Variants in KNTC1 observed in about 807,000 individuals in gnomAD.
The protein encoded by KNTC1 is kinetochore-associated protein 1.
KNTC1 carries 253 observed loss-of-function variants against 314.4 expected under a neutral mutation model. The ratio of observed to expected loss-of-function variants is 0.80; its 90% CI spans 0.73 to 0.89. KNTC1 has a LOEUF of 0.89. KNTC1 is among the 40% of genes least tolerant of loss of function. The pLI is 0.00. For synonymous variants in KNTC1, 901 were observed against 901.4 expected, an observed-to-expected ratio of 1.00 and a Z score of 0.01; for missense variants, 2,475 against 2,572.9, an observed-to-expected ratio of 0.96 and a Z score of 0.82.
chr12:122,585,608 T>C, intron 36 of KNTC1, 28 bp from the exon 37 acceptor site: 2 of 1,612,392 alleles, frequency 1.2e-6, no homozygotes, highest in Non-Finnish European at 1.7e-6. Flanking sequence ...TACTGAGTTC[T>C]CTCTTTTTTG....
At chr12:122,552,622 C>A (rs1237531475) in intron 16 of KNTC1, among the ~76,000 whole-genome samples, 1 of 152,086 alleles carries the variant, frequency 6.6e-6, no homozygotes, top group Non-Finnish European at 1.5e-5. Flanking sequence ...CCTTGGCCTC[C>A]CAAAGTTTTG....
At chr12:122,622,270 T>C (rs1007137821) in intron 61 of KNTC1, among the ~76,000 whole-genome samples, 192 bp from the exon 62 acceptor site, 1 of 152,200 alleles carries the variant, frequency 6.6e-6, no homozygotes, top group Non-Finnish European at 1.5e-5. Context: ...TATTGACTGA[T>C]GCTGACAGGC....
intron 7 of KNTC1, among the ~76,000 whole-genome samples, chr12:122,543,913 G>A (rs1262369841): frequency 6.6e-6 from 1 of 152,112 alleles, no homozygotes; most frequent in Non-Finnish European, 1.5e-5. Context: ...GCCGGGGGGT[G>A]GTGGCGCATG....
intron 44 of KNTC1, among the ~76,000 whole-genome samples, chr12:122,601,070 C>CT (rs1346329298): frequency 1.3e-5 from 2 of 151,936 alleles, no homozygotes; most frequent in Non-Finnish European, 2.9e-5. Flanking sequence ...AATTGTAGCT[C>CT]TTTATTTTTT....
intron 1 of KNTC1, chr12:122,527,648 T>C (rs1483470521): frequency 6.6e-6 from 1 of 152,234 alleles, no homozygotes; most frequent in Non-Finnish European, 1.5e-5. Context: ...TTCTACCCCT[T>C]GTACTGAGAA....
chr12:122,546,711 A>G (rs2137744194), intron 10 of KNTC1, 37 bp downstream of exon 10: 1 of 1,348,474 alleles, frequency 7.4e-7, no homozygotes, highest in Non-Finnish European at 1.0e-6. Context: ...TTTTTACTTG[A>G]TATGTTTTAC....
At chr12:122,587,007 G>A (rs549516334) in intron 38 of KNTC1, among the ~76,000 whole-genome samples, 3 of 151,946 alleles carry the variant, frequency 2.0e-5, no homozygotes, top group South Asian at 4.2e-4. Flanking sequence ...AGTAGAGACA[G>A]GATTTCACCA....
intron 3 of KNTC1, 35 bp from the exon 4 acceptor site, chr12:122,538,304 G>T: frequency 8.3e-7 from 1 of 1,208,390 alleles, no homozygotes; most frequent in Non-Finnish European, 1.2e-6. Context: ...AAAGATTTTC[G>T]AAGGAAGCTT....
chr12:122,554,072 A>ATATATAT (rs1214945831), intron 16 of KNTC1, among the ~76,000 whole-genome samples: 27 of 63,998 alleles, frequency 4.2e-4, no homozygotes, highest in African/African-American at 1.2e-3. Flanking sequence ...CTTAAAAAAA[A>ATATATAT]AAAAATATAT....
At chr12:122,607,621 T>G (rs551329877) in intron 51 of KNTC1, among the ~76,000 whole-genome samples, 1 of 152,316 alleles carries the variant, frequency 6.6e-6, no homozygotes, top group East Asian at 1.9e-4. Flanking sequence ...TTTAGGTAAC[T>G]TGGTTACGGT....
Position 122,584,311 on chromosome 12 carries a change from T to G in KNTC1, c.3297T>G (p.Thr1099=). The change falls in exon 35 of 64, where the codon ACT becomes ACG. Residue 1099 remains threonine, a synonymous_variant. Transcript: ENST00000333479. The part of the protein sequence containing the change: ...DLFKYHCNAD[T]GKLLFLTCQK... ...TTAAGTATCACTGCAATGCTGACAC[T>G]GGGAAATTGCTATTTCTGACATGTC... 6.2e-7 allele frequency: 1 copy of G among 1,613,532 alleles called. No homozygotes were observed. Among genetic ancestry groups the G allele is most frequent in the Non-Finnish European group, 8.5e-7 (1 of 1,179,564 alleles).
chr12:122,538,565 T>G (rs1962035619), intron 4 of KNTC1, 111 bp downstream of exon 4: 2 of 628,704 alleles, frequency 3.2e-6, no homozygotes. Flanking sequence ...TAAAGCAATG[T>G]TTTTTTGAAC....
rs758235054 is a variant in KNTC1, at chr12:122,541,287, G to GCCTGCCTGCCTGCCTGCCTT, written c.446-760_446-759insGCCTGCCTGCCTGCCTTCCT. Among the ~76,000 whole-genome samples, 334 of 120,954 alleles carry GCCTGCCTGCCTGCCTGCCTT rather than the reference G, an allele frequency of 2.8e-3. 5 individuals carry two copies. Among genetic ancestry groups the GCCTGCCTGCCTGCCTGCCTT allele is most frequent in the African/African-American group, 0.012 (321 of 27,702 alleles). 79.4% of individuals were successfully genotyped at this position (120,954 alleles called of 152,430 possible). A position where few individuals can be genotyped will look rare whatever the true frequency, so the allele number is the denominator to read the frequency against. ...TGCCTGCCTGCCTGCCTGCCTGCCTGCCTTCCTTCCTTCCTTCCTTCCTTC... is the reference window on the plus strand; with the variant it reads ...TGCCTGCCTGCCTGCCTGCCTGCCTGCCTGCCTGCCTGCCTGCCTTCCTTCCTTCCTTCCTTCCTTCCTTC... On this transcript the variant is annotated intron_variant, in intron 5 of 63. Coordinates refer to ENST00000333479, the MANE Select transcript of KNTC1 (RefSeq NM_014708.6).
At chr12:122,559,048 A>C (rs1448637941) in intron 18 of KNTC1, among the ~76,000 whole-genome samples, 1 of 152,092 alleles carries the variant, frequency 6.6e-6, no homozygotes, top group Non-Finnish European at 1.5e-5. Flanking sequence ...TTCACTTAGC[A>C]TAATATTTTC....
At chr12:122,561,745 C>T (rs1186077544) in intron 18 of KNTC1, among the ~76,000 whole-genome samples, 176 bp from the exon 19 acceptor site, 1 of 152,068 alleles carries the variant, frequency 6.6e-6, no homozygotes, top group Non-Finnish European at 1.5e-5. Context: ...TGAGCCACTG[C>T]CCCCAGGCAA....
chr12:122,605,182 CATATGCTTAT>C (rs1872446000), intron 50 of KNTC1, 95 bp downstream of exon 50: 1 of 1,144,204 alleles, frequency 8.7e-7, no homozygotes, highest in South Asian at 1.4e-5. Flanking sequence ...ATATTACTTA[CATATGCTTAT>C]ATATGTATAT....
chr12:122,623,772 A>G (rs1874693903), intron 62 of KNTC1, among the ~76,000 whole-genome samples: 1 of 152,158 alleles, frequency 6.6e-6, no homozygotes, highest in Non-Finnish European at 1.5e-5. Context: ...CATTGCTCCA[A>G]AAACATAATT....
At position 122,534,706 on chromosome 12, in the gene KNTC1, G is replaced by A; in HGVS notation, c.172G>A (p.Gly58Arg). ...GATACAGGCATGCAGCTTAAGTGATGGGTTTATTATTGTAGCCGACCAATC... is the reference window on the plus strand; with the variant it reads ...GATACAGGCATGCAGCTTAAGTGATAGGTTTATTATTGTAGCCGACCAATC... ...PKIQACSLSD[G>R]FIIVADQSVI... is the part of the protein sequence containing the mutation. The change falls in exon 3 of 64, where the codon GGG (glycine) becomes AGG (arginine). Residue 58 changes from glycine to arginine, a missense_variant. Gly to Arg is a moderately radical substitution (Grantham distance 125, BLOSUM62 -2). Coordinates refer to ENST00000333479, the MANE Select transcript of KNTC1 (RefSeq NM_014708.6). The A allele has an allele frequency of 6.2e-7, 1 of 1,610,732 alleles. No individual in the cohort carries two copies. Among genetic ancestry groups the A allele is most frequent in the Non-Finnish European group, 8.5e-7 (1 of 1,177,704 alleles).
intron 53 of KNTC1, among the ~76,000 whole-genome samples, chr12:122,612,233 T>C (rs1355867383): frequency 1.3e-5 from 2 of 150,794 alleles, no homozygotes; most frequent in Non-Finnish European, 3.0e-5. Context: ...GCCTGGCTAA[T>C]TTTTGTATTT....
Sources: allele counts gnomAD v4.1 joint callset (sites outside exome capture counted in the v4.1 genomes callset), GRCh38; gene constraint gnomAD v4.1.1; transcripts MANE v1.5; gene names NCBI Gene and HGNC (gene_info 2026-07-23, HGNC 2026-07-21).